CATSPERT: variants seen among roughly 807,000 people sequenced by gnomAD.
CATSPERT encodes cation channel sperm-associated targeting subunit tau.
At chr2:201,601,056 T>TC in the CATSPERT span, among the ~76,000 whole-genome samples, 2 of 151,410 alleles carry the variant, frequency 1.3e-5, no homozygotes, top group Admixed American at 1.3e-4. Flanking sequence ...AGCCATTTTT[T>TC]AAAAAGTTTT....
the CATSPERT span, among the ~76,000 whole-genome samples, chr2:201,517,300 A>C: frequency 6.6e-6 from 1 of 152,176 alleles, no homozygotes; most frequent in Admixed American, 6.5e-5. Flanking sequence ...CAAGGGGAAG[A>C]CCGTTATTAG....
chr2:201,506,453 A>G, the CATSPERT span, among the ~76,000 whole-genome samples: 1 of 152,254 alleles, frequency 6.6e-6, no homozygotes, highest in Admixed American at 6.5e-5. Context: ...ACATTAGAAA[A>G]TCTATTCATG....
At chr2:201,523,805 T>A in the CATSPERT span, among the ~76,000 whole-genome samples, 1 of 152,152 alleles carries the variant, frequency 6.6e-6, no homozygotes, top group Non-Finnish European at 1.5e-5. Flanking sequence ...GGAGACAAAC[T>A]AATCTGGTAG....
chr2:201,598,197 G>A, the CATSPERT span, among the ~76,000 whole-genome samples: 1 of 152,116 alleles, frequency 6.6e-6, no homozygotes, highest in Non-Finnish European at 1.5e-5. Context: ...AAACTACTGG[G>A]TGCAAGCCAT....
the CATSPERT span, among the ~76,000 whole-genome samples, chr2:201,573,711 CT>C: frequency 1.3e-5 from 2 of 152,072 alleles, no homozygotes; most frequent in African/African-American, 4.8e-5. Context: ...GGCTGGAGTG[CT>C]GTGGTGTGAT....
the CATSPERT span, among the ~76,000 whole-genome samples, chr2:201,530,112 C>T: frequency 6.6e-6 from 1 of 152,044 alleles, no homozygotes; most frequent in Admixed American, 6.6e-5. Context: ...TACGTGTTGG[C>T]AAGGATGTGG....
chr2:201,537,497 AG>A, the CATSPERT span: 9 of 1,556,244 alleles, frequency 5.8e-6, no homozygotes, highest in Non-Finnish European at 7.9e-6. Context: ...AACAATTAAT[AG>A]GGGTATTTTA....
chr2:201,618,890 G>A, the CATSPERT span: 6 of 1,612,594 alleles, frequency 3.7e-6, no homozygotes, highest in Non-Finnish European at 5.1e-6. Context: ...CCAGGCCCCC[G>A]CTCACTCACG....
the CATSPERT span, chr2:201,493,246 G>T: frequency 1.3e-6 from 2 of 1,536,492 alleles, no homozygotes; most frequent in Admixed American, 3.9e-5. Flanking sequence ...ACCATTTCTT[G>T]GCAAATACAG....
At chr2:201,617,047 T>G in the CATSPERT span, among the ~76,000 whole-genome samples, 13 of 151,992 alleles carry the variant, frequency 8.6e-5, no homozygotes, top group Non-Finnish European at 1.5e-4. Context: ...CACTGCTCAA[T>G]GAAATAAAAG....
At chr2:201,541,622 A>T in the CATSPERT span, among the ~76,000 whole-genome samples, 1 of 146,992 alleles carries the variant, frequency 6.8e-6, no homozygotes, top group Non-Finnish European at 1.5e-5. Flanking sequence ...ACAGAGTCTC[A>T]TCTCACTCTG....
the CATSPERT span, among the ~76,000 whole-genome samples, chr2:201,571,722 C>T: frequency 1.3e-4 from 20 of 152,154 alleles, no homozygotes; most frequent in African/African-American, 4.6e-4. Flanking sequence ...CTCCATACGT[C>T]CTCAACTCCT....
the CATSPERT span, among the ~76,000 whole-genome samples, chr2:201,607,972 A>G: frequency 6.6e-6 from 1 of 152,244 alleles, no homozygotes; most frequent in East Asian, 1.9e-4. Context: ...TCTGAGGTTT[A>G]AAATACCCAG....
At chr2:201,511,536 G>T in the CATSPERT span, among the ~76,000 whole-genome samples, 2 of 151,882 alleles carry the variant, frequency 1.3e-5, no homozygotes, top group Non-Finnish European at 2.9e-5. Flanking sequence ...ACCACCAAAC[G>T]CTACCTTTCA....
chr2:201,581,998 TAAAC>T, the CATSPERT span: 2 of 1,420,862 alleles, frequency 1.4e-6, no homozygotes, highest in Non-Finnish European at 1.9e-6. Flanking sequence ...AGGCAGATAA[TAAAC>T]AAAAAAAGCC....
chr2:201,523,583 CAG>C, the CATSPERT span, among the ~76,000 whole-genome samples: 2 of 152,186 alleles, frequency 1.3e-5, no homozygotes, highest in African/African-American at 4.8e-5. Context: ...CTCTAAAAGC[CAG>C]AGTGTCTCCT....
chr2:201,534,301 A>C, the CATSPERT span: 2 of 719,840 alleles, frequency 2.8e-6, no homozygotes, highest in Non-Finnish European at 3.4e-6. Context: ...CCCAACAAGC[A>C]AGTCAACCCC....
the CATSPERT span, among the ~76,000 whole-genome samples, chr2:201,606,387 T>C: frequency 6.6e-6 from 1 of 152,224 alleles, no homozygotes; most frequent in South Asian, 2.1e-4. Flanking sequence ...GCTGTATTTT[T>C]ATAAAGTTCA....
the CATSPERT span, among the ~76,000 whole-genome samples, chr2:201,505,240 G>A: frequency 1.3e-5 from 2 of 152,142 alleles, no homozygotes; most frequent in African/African-American, 2.4e-5. Flanking sequence ...ACACCATCAT[G>A]TCTGGCTAAT....
Sources: allele counts gnomAD v4.1 joint callset (sites outside exome capture counted in the v4.1 genomes callset), GRCh38; gene constraint gnomAD v4.1.1; transcripts MANE v1.5; gene names NCBI Gene and HGNC (gene_info 2026-07-23, HGNC 2026-07-21).